Variants in NRXN3 observed in about 807,000 individuals in gnomAD.
NRXN3 encodes the protein neurexin 3.
NRXN3 carries 32 observed loss-of-function variants against 137.6 expected under a neutral mutation model. The observed-to-expected ratio is 0.23, with a 90% CI of 0.18 to 0.31. NRXN3 has a LOEUF of 0.31. Ranked by LOEUF, NRXN3 falls within the 10% of genes least tolerant of loss-of-function variation. The pLI is 1.00. For missense variants in NRXN3, 1,574 were observed against 2,062.5 expected, an observed-to-expected ratio of 0.76 and a Z score of 4.59; for synonymous variants, 798 against 784.5, an observed-to-expected ratio of 1.02 and a Z score of -0.29.
At chr14:79,380,063 A>T (rs1435760342) in intron 15 of NRXN3, among the ~76,000 whole-genome samples, 1 of 151,876 alleles carries the variant, frequency 6.6e-6, no homozygotes, top group Non-Finnish European at 1.5e-5. Context: ...TTTCCAACAA[A>T]AAATAGGATG....
intron 3 of NRXN3, 126 bp downstream of exon 3, chr14:78,278,788 GT>G: frequency 1.3e-6 from 1 of 755,632 alleles, no homozygotes; most frequent in Non-Finnish European, 2.2e-6. Context: ...ACTGATCTAG[GT>G]TTAGAAGAAG....
intron 10 of NRXN3, among the ~76,000 whole-genome samples, chr14:78,916,393 G>A (rs1262412400): frequency 6.6e-6 from 1 of 152,164 alleles, no homozygotes; most frequent in Non-Finnish European, 1.5e-5. Context: ...TTGGTAGAAG[G>A]GATAACTACT....
intron 4 of NRXN3, among the ~76,000 whole-genome samples, chr14:78,486,644 A>T (rs190857885): frequency 2.0e-5 from 3 of 152,258 alleles, no homozygotes; most frequent in African/African-American, 4.8e-5. Flanking sequence ...AGGAAAAAGC[A>T]ACAACAGGAT....
chr14:78,487,467 G>C (rs1400551968), intron 4 of NRXN3, among the ~76,000 whole-genome samples: 1 of 152,286 alleles, frequency 6.6e-6, no homozygotes, highest in Admixed American at 6.5e-5. Flanking sequence ...TCCTGCCCAG[G>C]AGCAGTGGCT....
chr14:79,600,894 C>A (rs1468049652), intron 16 of NRXN3, among the ~76,000 whole-genome samples: 1 of 150,150 alleles, frequency 6.7e-6, no homozygotes, highest in Non-Finnish European at 1.5e-5. Flanking sequence ...GGAAGGAAGA[C>A]AAGGGAAGGG....
chr14:79,836,368 A>G (rs1242608380), intron 20 of NRXN3, among the ~76,000 whole-genome samples: 1 of 152,172 alleles, frequency 6.6e-6, no homozygotes, highest in East Asian at 1.9e-4. Context: ...TTGCCAACTG[A>G]CATTTAATGC....
chr14:78,784,797 A>G (rs1284241346), intron 8 of NRXN3, among the ~76,000 whole-genome samples: 2 of 152,154 alleles, frequency 1.3e-5, no homozygotes, highest in Non-Finnish European at 2.9e-5. Context: ...AGAGAACTGG[A>G]TGACAGTAGA....
intron 4 of NRXN3, among the ~76,000 whole-genome samples, chr14:78,441,849 C>A (rs2094260135): frequency 6.6e-6 from 1 of 152,112 alleles, no homozygotes; most frequent in Non-Finnish European, 1.5e-5. Flanking sequence ...GTAATCCCAG[C>A]ACTTTGGGAG....
At chr14:78,660,235 G>A (rs2097826171) in intron 6 of NRXN3, among the ~76,000 whole-genome samples, 1 of 143,202 alleles carries the variant, frequency 7.0e-6, no homozygotes, top group African/African-American at 2.9e-5. Context: ...TTGATGGGTT[G>A]TTGATGAAGA....
chr14:79,806,714 A>C (rs1603547601), intron 20 of NRXN3, among the ~76,000 whole-genome samples: 1 of 146,634 alleles, frequency 6.8e-6, no homozygotes, highest in African/African-American at 2.6e-5. Context: ...AGTCCTTCCT[A>C]TTCTGTTTTT....
At chr14:79,300,875 C>A (rs74067996) in intron 15 of NRXN3, among the ~76,000 whole-genome samples, 134 of 152,056 alleles carry the variant, frequency 8.8e-4, no homozygotes, top group African/African-American at 3.1e-3. Flanking sequence ...CTGAGTTGGA[C>A]CTTCACAGAA....
At chr14:79,277,776 C>G (rs2080528106) in intron 15 of NRXN3, among the ~76,000 whole-genome samples, 1 of 152,168 alleles carries the variant, frequency 6.6e-6, no homozygotes, top group Non-Finnish European at 1.5e-5. Context: ...TATGCAAGAC[C>G]TTGTCAGAGG....
chr14:79,816,323 G>T (rs2099251238), intron 20 of NRXN3, among the ~76,000 whole-genome samples: 1 of 152,178 alleles, frequency 6.6e-6, no homozygotes, highest in Non-Finnish European at 1.5e-5. Context: ...ACGCTCCTTT[G>T]TGGAGCTTAG....
intron 8 of NRXN3, among the ~76,000 whole-genome samples, chr14:78,750,558 A>G (rs1257695227): frequency 6.6e-6 from 1 of 152,210 alleles, no homozygotes; most frequent in Non-Finnish European, 1.5e-5. Context: ...TATGTCAATA[A>G]GGTCTTGAGA....
In NRXN3 at chr14:78,967,420, A is replaced by G. The variant is rs201075938; in HGVS notation, c.2968+22A>G. 5.1e-6 allele frequency: 8 copies of G among 1,566,464 alleles called. No individual in the cohort carries two copies. The Admixed American group carries it at 1.4e-4, about 27-fold the overall frequency. On this transcript the variant is annotated intron_variant, in intron 13 of 20. Coordinates refer to ENST00000335750, the MANE Select transcript of NRXN3 (RefSeq NM_001330195.2). ...AAAGGTAAACCTTGTAAAGAAATTT[A>G]GTTTTTAATAGAGCTTTTCTTACAA...
At chr14:78,266,096 G>A (rs909870400) in intron 2 of NRXN3, among the ~76,000 whole-genome samples, 3 of 151,976 alleles carry the variant, frequency 2.0e-5, no homozygotes, top group Non-Finnish European at 4.4e-5. Flanking sequence ...CTTTTTCTCT[G>A]TTATCTCTGA....
chr14:79,288,555 T>C (rs1430923110), intron 15 of NRXN3, among the ~76,000 whole-genome samples: 1 of 152,166 alleles, frequency 6.6e-6, no homozygotes, highest in Non-Finnish European at 1.5e-5. Flanking sequence ...ATTAAAAACA[T>C]TGAGACTCAG....
intron 15 of NRXN3, among the ~76,000 whole-genome samples, chr14:79,106,397 T>C (rs995451100): frequency 6.6e-6 from 1 of 152,092 alleles, no homozygotes; most frequent in Non-Finnish European, 1.5e-5. Context: ...AGAACTGCTT[T>C]ACCCAAGCCC....
intron 15 of NRXN3, among the ~76,000 whole-genome samples, chr14:79,360,609 G>A (rs914277505): frequency 5.9e-5 from 9 of 152,188 alleles, no homozygotes; most frequent in African/African-American, 1.9e-4. Context: ...AGACGTGGCC[G>A]AGCAAGCTTT....
Sources: gnomAD v4.1 joint callset for allele counts (sites outside exome capture counted in the v4.1 genomes callset) on GRCh38, gnomAD v4.1.1 for gene constraint, MANE v1.5 for transcripts, NCBI Gene and HGNC (gene_info 2026-07-23, HGNC 2026-07-21) for gene names.